OR13A1: variants seen among roughly 807,000 people sequenced by gnomAD.
OR13A1 encodes olfactory receptor 13A1.
A neutral mutation model predicts 7.5 loss-of-function variants in OR13A1; 10 were observed. The ratio of observed to expected loss-of-function variants is 1.34; its 90% CI spans 0.83 to 2.27. The LOEUF (loss-of-function observed/expected upper bound fraction) is 2.27, where lower values mean the gene tolerates loss of function less well. OR13A1 is among the 30% of genes most tolerant of loss of function. The pLI is 0.00. For missense variants in OR13A1, 509 were observed against 419.1 expected (o/e 1.21, Z -1.87); for synonymous variants, 238 against 177.9 (o/e 1.34, Z -2.69).
chr10:45,302,494 C>G (rs1003133162), downstream of OR13A1: 14 of 152,172 alleles, frequency 9.2e-5, no homozygotes, highest in Admixed American at 2.6e-4. Context: ...GATGAAGAAC[C>G]ATCCCATCTA....
chr10:45,307,910 G>A (rs573227780), intron 1 of OR13A1, 102 bp from the exon 2 acceptor site: 20 of 152,080 alleles, frequency 1.3e-4, no homozygotes, highest in Non-Finnish European at 2.2e-4. Context: ...ATTTCATTGA[G>A]TATTTTCTAA....
chr10:45,311,985 A>T (rs970990313), intron 1 of OR13A1, among the ~76,000 whole-genome samples: 2 of 152,202 alleles, frequency 1.3e-5, no homozygotes, highest in Non-Finnish European at 2.9e-5. Context: ...TTAATAATAC[A>T]TTGGATGAGA....
chr10:45,309,011 G>A (rs562992241), intron 1 of OR13A1: 111 of 152,340 alleles, frequency 7.3e-4, no homozygotes, highest in African/African-American at 2.4e-3. Context: ...ATTAAATTAA[G>A]TGCTTCTTTA....
intron 1 of OR13A1, among the ~76,000 whole-genome samples, chr10:45,315,201 C>T (rs1042351191): frequency 6.6e-6 from 1 of 152,050 alleles, no homozygotes; most frequent in African/African-American, 2.4e-5. Context: ...GTAATCCCAG[C>T]ACTTTGGGAG....
chr10:45,305,367 A>T (rs1049390386), intron 3 of OR13A1, among the ~76,000 whole-genome samples: 18 of 152,248 alleles, frequency 1.2e-4, no homozygotes, highest in Non-Finnish European at 2.1e-4. Context: ...ATAGTGAAAA[A>T]TTTAAAATAA....
At chr10:45,306,983 C>G (rs775535973) in intron 3 of OR13A1, among the ~76,000 whole-genome samples, 1 of 152,198 alleles carries the variant, frequency 6.6e-6, no homozygotes, top group Non-Finnish European at 1.5e-5. Context: ...TGAGTGACTC[C>G]TCTTTAACTC....
Position 45,310,575 on chromosome 10 carries a change from G to A in OR13A1, c.-224-2767C>T, listed in dbSNP as rs537793095. ...TTCACCTAGCTGCCAGGGAAGCTGG[G>A]AAATGTGGTCAAGCTGGAAAGATAC... On this transcript the variant is annotated intron_variant, in intron 1 of 3. Coordinates refer to ENST00000553795, the MANE Select transcript of OR13A1 (RefSeq NM_001004297.3). Among the ~76,000 whole-genome samples the A allele has an allele frequency of 4.6e-5, 7 of 152,300 alleles. No homozygotes were observed. The South Asian group carries it at 1.5e-3, about 32-fold the overall frequency.
In OR13A1 at chr10:45,304,129, C is replaced by T; in HGVS notation, c.294G>A (p.Lys98=). The change falls in exon 4 of 4, where the codon AAG becomes AAA. Residue 98 remains lysine, a synonymous_variant. Coordinates refer to ENST00000553795, the MANE Select transcript of OR13A1 (RefSeq NM_001004297.3). Reference sequence around the variant, plus strand: ...CTTCCGACACCAGACTGGCCAGCGCCTTGGGCATGATGGAAGAGGTGCAGA... The same window carrying T: ...CTTCCGACACCAGACTGGCCAGCGCTTTGGGCATGATGGAAGAGGTGCAGA... ...DIICTSSIMP[K]ALASLVSEES... The T allele has an allele frequency of 6.2e-7, 1 of 1,614,210 alleles. No homozygotes were observed. The highest frequency in any genetic ancestry group is 1.1e-5 in the South Asian group (1 of 91,070).
At chr10:45,315,353 T>C (rs1838504029) in intron 1 of OR13A1, among the ~76,000 whole-genome samples, 171 bp downstream of exon 1, 2 of 152,106 alleles carry the variant, frequency 1.3e-5, no homozygotes, top group Admixed American at 1.3e-4. Flanking sequence ...ATCAATGTAA[T>C]ACACTATAGT....
At chr10:45,311,352 C>A (rs58994988) in intron 1 of OR13A1, among the ~76,000 whole-genome samples, 14,928 of 152,194 alleles carry the variant, frequency 0.098, 2,469 homozygotes, top group African/African-American at 0.34. Flanking sequence ...AATTACTTCC[C>A]ATCTCAATCT....
chr10:45,313,027 G>A (rs547107858), intron 1 of OR13A1, among the ~76,000 whole-genome samples: 1 of 152,096 alleles, frequency 6.6e-6, no homozygotes, highest in East Asian at 1.9e-4. Flanking sequence ...TGCAGTTTTG[G>A]TACATAAATG....
At chr10:45,309,266 G>T (rs1391661051) in intron 1 of OR13A1, among the ~76,000 whole-genome samples, 5 of 152,066 alleles carry the variant, frequency 3.3e-5, no homozygotes, top group Non-Finnish European at 5.9e-5. Flanking sequence ...TCCATGGAAG[G>T]CGAGGCATGG....
In OR13A1 at chr10:45,303,723, C is replaced by T. The variant is rs779457915; in HGVS notation, c.700G>A (p.Ala234Thr). 4.3e-6 allele frequency: 7 copies of T among 1,614,060 alleles called. No homozygotes were observed. The South Asian group carries it at 4.4e-5, about 10-fold the overall frequency. Residue 234 changes from alanine (A) to threonine (T), a missense_variant, in exon 4 of 4, where the codon GCG becomes ACG. Coordinates refer to ENST00000553795, the MANE Select transcript of OR13A1 (RefSeq NM_001004297.3). Reference sequence around the variant, plus strand: ...CTGGAGACGATGAAGCCATAGGACGCGATGGTCATCAGGAAGTTCACTATG... The same window carrying T: ...CTGGAGACGATGAAGCCATAGGACGTGATGGTCATCAGGAAGTTCACTATG... The part of the protein sequence containing the change: ...YGIVNFLMTI[A>T]SYGFIVSSIL...
chr10:45,310,670 T>C (rs141186631), intron 1 of OR13A1, among the ~76,000 whole-genome samples: 2 of 151,970 alleles, frequency 1.3e-5, no homozygotes, highest in African/African-American at 4.8e-5. Flanking sequence ...GCAAGAGAAC[T>C]AGAGATAAGG....
intron 3 of OR13A1, among the ~76,000 whole-genome samples, chr10:45,304,970 A>C (rs1838297089): frequency 6.6e-6 from 1 of 152,164 alleles, no homozygotes; most frequent in African/African-American, 2.4e-5. Context: ...TGATGCTTTT[A>C]AAAGGAGAAT....
At chr10:45,304,808 G>A (rs976003817) in intron 3 of OR13A1, among the ~76,000 whole-genome samples, 3 of 151,964 alleles carry the variant, frequency 2.0e-5, no homozygotes, top group Non-Finnish European at 4.4e-5. Context: ...TGTATCCTAA[G>A]GAATAATAAA....
At position 45,302,654 on chromosome 10, in the gene OR13A1, G is replaced by C. The variant is rs977386664; in HGVS notation, c.*782C>G. ...ATAATGGATTTTCCAGTGCAGTTTT[G>C]TAATAGCATGGAGCACAAGCACAAG... On this transcript the variant is annotated 3_prime_UTR_variant, in exon 4 of 4. Transcript: ENST00000553795. The C allele has an allele frequency of 6.6e-6, 1 of 152,148 alleles. No individual in the cohort carries two copies. The highest frequency in any genetic ancestry group is 1.5e-5 in the Non-Finnish European group (1 of 68,024). The allele number at this position is 152,148 out of a possible 1,614,324, so 9.4% of individuals were successfully genotyped here. A position where few individuals can be genotyped will look rare whatever the true frequency, so the allele number is the denominator to read the frequency against.
downstream of OR13A1, chr10:45,302,424 G>C (rs1838224886): frequency 1.3e-5 from 2 of 152,166 alleles, no homozygotes; most frequent in Admixed American, 1.3e-4. Context: ...GCTACAGTCA[G>C]CTACAATTCA....
At chr10:45,308,106 C>T (rs1027079135) in intron 1 of OR13A1, among the ~76,000 whole-genome samples, 16 of 152,248 alleles carry the variant, frequency 1.1e-4, no homozygotes, top group Admixed American at 3.3e-4. Flanking sequence ...CCATATTAAT[C>T]TAATGTCCTT....
Sources: gnomAD v4.1 joint callset for allele counts (sites outside exome capture counted in the v4.1 genomes callset) on GRCh38, gnomAD v4.1.1 for gene constraint, MANE v1.5 for transcripts, NCBI Gene and HGNC (gene_info 2026-07-23, HGNC 2026-07-21) for gene names.